Variants in PREX2 observed in about 807,000 individuals in gnomAD.
PREX2 encodes the protein phosphatidylinositol 3,4,5-trisphosphate-dependent Rac exchanger 2 protein.
A neutral mutation model predicts 203.2 loss-of-function variants in PREX2; 107 were observed. The ratio of observed to expected loss-of-function variants is 0.53; its 90% confidence interval spans 0.45 to 0.62. PREX2 has a LOEUF of 0.62. PREX2 is among the 20% of genes least tolerant of loss of function. The probability of loss-of-function intolerance (pLI) is 0.00; values close to 1 mark genes in which losing one functional copy is unlikely to be tolerated. For synonymous variants in PREX2, 672 were observed against 663.6 expected, an observed-to-expected ratio of 1.01 and a Z score of -0.19; for missense variants, 1,777 against 1,955.9, an observed-to-expected ratio of 0.91 and a Z score of 1.72.
At chr8:68,211,170 G>GACAA (rs572476071) in intron 37 of PREX2, among the ~76,000 whole-genome samples, 1,621 of 152,206 alleles carry the variant, frequency 0.011, 15 homozygotes, top group Middle Eastern at 0.02. Flanking sequence ...GATCAACTGG[G>GACAA]ACAAACACCT....
At chr8:68,104,109 C>T (rs1274986563) in intron 23 of PREX2, among the ~76,000 whole-genome samples, 1 of 152,152 alleles carries the variant, frequency 6.6e-6, no homozygotes, top group Non-Finnish European at 1.5e-5. Context: ...ACCTCGAATA[C>T]ACTCTTCACT....
At chr8:68,137,573 TG>T (rs2129613478) in intron 32 of PREX2, among the ~76,000 whole-genome samples, 1 of 152,270 alleles carries the variant, frequency 6.6e-6, no homozygotes, top group African/African-American at 2.4e-5. Flanking sequence ...GCCTGACCAT[TG>T]ACATTCTTAA....
intron 35 of PREX2, among the ~76,000 whole-genome samples, chr8:68,175,773 C>T (rs946563786): frequency 6.6e-6 from 1 of 151,908 alleles, no homozygotes; most frequent in African/African-American, 2.4e-5. Flanking sequence ...CAGCCATATT[C>T]TTTGTATCAA....
intron 32 of PREX2, among the ~76,000 whole-genome samples, chr8:68,136,958 T>C (rs1811124638): frequency 6.6e-6 from 1 of 151,558 alleles, no homozygotes; most frequent in Admixed American, 6.6e-5. Context: ...CAGGCTGGAG[T>C]GCAGTGGCGC....
intron 14 of PREX2, among the ~76,000 whole-genome samples, chr8:68,073,994 T>A (rs1809273939): frequency 6.6e-6 from 1 of 151,546 alleles, no homozygotes; most frequent in South Asian, 2.1e-4. Context: ...TTTAGACGAG[T>A]CTCACTTGGT....
chr8:68,177,946 AT>A lies in PREX2; in HGVS notation c.4347-13775del, dbSNP rs1275780325. On this transcript the variant is annotated intron_variant, in intron 35 of 39. Transcript: ENST00000288368. ...AGGCTAATGGCTTCCACCGTCATCC[AT>A]GTCCCTGCAAAGGACATGATCTCAT... 2.1e-4 allele frequency among the ~76,000 whole-genome samples: 32 copies of A among 152,160 alleles called. 1 individual carries two copies. Among genetic ancestry groups the A allele is most frequent in the Admixed American group, 2.1e-3 (32 of 15,270 alleles).
At chr8:68,092,234 A>G (rs1330843083) in intron 20 of PREX2, among the ~76,000 whole-genome samples, 4 of 152,142 alleles carry the variant, frequency 2.6e-5, no homozygotes, top group African/African-American at 4.8e-5. Flanking sequence ...CTTTGGACAA[A>G]CCAAATCACG....
At chr8:68,041,971 T>G (rs1808213460) in intron 7 of PREX2, among the ~76,000 whole-genome samples, 1 of 152,118 alleles carries the variant, frequency 6.6e-6, no homozygotes, top group Non-Finnish European at 1.5e-5. Context: ...CCTTAATGAA[T>G]GTATTATGTG....
chr8:68,151,525 T>C (rs1811435028), intron 34 of PREX2, among the ~76,000 whole-genome samples: 1 of 152,178 alleles, frequency 6.6e-6, no homozygotes, highest in African/African-American at 2.4e-5. Context: ...TTAAGCACGG[T>C]CATTTCTGCT....
chr8:68,070,175 GTTGA>G (rs1384213201), intron 13 of PREX2, among the ~76,000 whole-genome samples: 9 of 151,514 alleles, frequency 5.9e-5, no homozygotes, highest in African/African-American at 1.5e-4. Flanking sequence ...ATAAATTATA[GTTGA>G]TTGATTGGGA....
chr8:68,165,571 T>C (rs1311027147), intron 35 of PREX2, among the ~76,000 whole-genome samples: 1 of 151,998 alleles, frequency 6.6e-6, no homozygotes, highest in Non-Finnish European at 1.5e-5. Context: ...CAAGAGGAGT[T>C]TCAGGGAGGG....
At chr8:68,045,249 A>G (rs1421402751) in intron 8 of PREX2, among the ~76,000 whole-genome samples, 1 of 152,158 alleles carries the variant, frequency 6.6e-6, no homozygotes, top group African/African-American at 2.4e-5. Flanking sequence ...TGTCTCTAAA[A>G]TAAATACTTA....
intron 23 of PREX2, chr8:68,103,101 A>T: frequency 4.9e-6 from 2 of 407,184 alleles, no homozygotes; most frequent in Admixed American, 5.7e-5. Flanking sequence ...TTCAAGAGAT[A>T]GTTCCTGTTT....
chr8:67,963,432 A>G (rs570092931), intron 1 of PREX2, among the ~76,000 whole-genome samples: 33 of 152,202 alleles, frequency 2.2e-4, no homozygotes, highest in Middle Eastern at 3.4e-3. Flanking sequence ...TATTTATTTA[A>G]CTCTGTCCTA....
Position 68,202,733 on chromosome 8 carries a change from G to A in PREX2, c.4604+10208G>A, listed in dbSNP as rs547650822. 6.6e-5 allele frequency among the ~76,000 whole-genome samples: 10 copies of A among 152,268 alleles called. No homozygotes were observed. In the South Asian group the frequency reaches 1.7e-3, roughly 25 times the overall value. ...GTTCTGCCAAGGGACAGAACTGATA[G>A]GACAGAGAGAGACAGAGAGACGAAG... On this transcript the variant is annotated intron_variant, in intron 37 of 39. Coordinates refer to ENST00000288368, the MANE Select transcript of PREX2 (RefSeq NM_024870.4).
intron 38 of PREX2, chr8:68,220,241 A>G (rs1033202147): frequency 1.7e-4 from 26 of 152,274 alleles, no homozygotes; most frequent in Admixed American, 1.4e-3. Context: ...AAGGAAAGAT[A>G]AAAGACAGAA....
chr8:68,108,941 C>A, intron 24 of PREX2: 1 of 354,978 alleles, frequency 2.8e-6, no homozygotes. Context: ...TGAAATAAGC[C>A]AGACACAGAA....
intron 37 of PREX2, among the ~76,000 whole-genome samples, chr8:68,214,530 C>T (rs1331120791): frequency 2.0e-5 from 3 of 152,172 alleles, no homozygotes; most frequent in Middle Eastern, 3.2e-3. Context: ...AATGAGCTCT[C>T]GTAAACCTGA....
At chr8:68,027,639 A>G (rs13275743) in intron 5 of PREX2, among the ~76,000 whole-genome samples, 26,636 of 152,024 alleles carry the variant, frequency 0.18, 3,027 homozygotes, top group African/African-American at 0.31. Flanking sequence ...CATTTTGCAG[A>G]GCCTTTTATT....
Sources: allele counts gnomAD v4.1 joint callset (sites outside exome capture counted in the v4.1 genomes callset), GRCh38; gene constraint gnomAD v4.1.1; transcripts MANE v1.5; gene names NCBI Gene and HGNC (gene_info 2026-07-23, HGNC 2026-07-21).